DMD: variants seen among roughly 807,000 people sequenced by gnomAD.
The protein encoded by DMD is mutant dystrophin.
A neutral mutation model predicts 330.1 loss-of-function variants in DMD; 63 were observed. The ratio of observed to expected loss-of-function variants is 0.19; its 90% CI spans 0.16 to 0.24. DMD has a LOEUF of 0.24. Among genes scored for constraint, DMD ranks in the 10% least tolerant of loss-of-function variants. DMD has a pLI of 1.00. For missense variants in DMD, 3,344 were observed against 2,684.1 expected (o/e 1.25, Z -5.43); for synonymous variants, 1,223 against 959.8 (o/e 1.27, Z -5.07).
rs1403015709 is a variant in DMD, at chrX:32,280,655, T to A, written c.6290+6874A>T. ...GACAAATAGAAGAGGCTGCTAATGC[T>A]GCTATAGCTGAATGTCTCATTTAGG... On this transcript the variant is annotated intron_variant, in intron 43 of 78. Coordinates refer to ENST00000357033, the MANE Select transcript of DMD (RefSeq NM_004006.3). Among the ~76,000 whole-genome samples, 3 of 111,871 alleles carry A rather than the reference T, an allele frequency of 2.7e-5. No homozygotes were observed. The South Asian group carries it at 1.1e-3, about 42-fold the overall frequency.
At position 33,265,629 on chromosome X, in the gene DMD, A is replaced by G. The variant is rs1258313033; in HGVS notation, c.7+73630T>C. Among the ~76,000 whole-genome samples the G allele has an allele frequency of 4.5e-5, 5 of 111,339 alleles. No homozygotes were observed. In the East Asian group the frequency reaches 1.1e-3, roughly 25 times the overall value. On this transcript the variant is annotated intron_variant, in intron 1 of 17. Transcript: ENST00000288447. ...CCATTCTATGATTCAGTCTTGGCCCATGTAAATCTGTGATAGAAAATAAGC... is the reference window on the plus strand; with the variant it reads ...CCATTCTATGATTCAGTCTTGGCCCGTGTAAATCTGTGATAGAAAATAAGC...
chrX:32,614,524 C>T (rs2057411533), intron 11 of DMD, 71 bp from the exon 12 acceptor site: 1 of 921,221 alleles, frequency 1.1e-6, no homozygotes, highest in Admixed American at 2.5e-5. Context: ...CAATGTAAAA[C>T]AATAGAATTT....
intron 44 of DMD, among the ~76,000 whole-genome samples, chrX:32,047,178 T>C (rs1375790616): frequency 1.8e-5 from 2 of 111,748 alleles, no homozygotes; most frequent in African/African-American, 6.5e-5. Flanking sequence ...ATGTTTCTTC[T>C]TAAATACTTC....
At chrX:31,774,511 C>T (rs2090541156) in intron 50 of DMD, among the ~76,000 whole-genome samples, 1 of 111,505 alleles carries the variant, frequency 9.0e-6, no homozygotes, top group African/African-American at 3.3e-5. Context: ...CAATCATATA[C>T]ATTGTGGAAG....
In DMD at chrX:32,626,670, T is replaced by G. The variant is rs993767059; in HGVS notation, c.1332-12217A>C. Among the ~76,000 whole-genome samples, 20 of 103,979 alleles carry G rather than the reference T, an allele frequency of 1.9e-4. 6 individuals are homozygous for G. The highest frequency in any genetic ancestry group is 7.8e-4 in the African/African-American group (19 of 24,284). 90.3% of individuals were successfully genotyped at this position (103,979 alleles called of 115,157 possible). On this transcript the variant is annotated intron_variant, in intron 11 of 78. Transcript: ENST00000357033. ...TTTCATTCTCTATTAAGAAAGGTAT[T>G]GGGGGCTGGGGAAGGAATAGCATTA...
At chrX:33,324,263 G>A (rs190144673) in intron 1 of DMD, among the ~76,000 whole-genome samples, 16 of 110,743 alleles carry the variant, frequency 1.4e-4, no homozygotes, top group Non-Finnish European at 2.3e-4. Flanking sequence ...AGTTTCATGA[G>A]CATGTCATCA....
intron 50 of DMD, among the ~76,000 whole-genome samples, chrX:31,782,326 C>G (rs1315536700): frequency 1.8e-5 from 2 of 111,246 alleles, no homozygotes; most frequent in African/African-American, 6.5e-5. Flanking sequence ...ATGACATAAG[C>G]AGAGGCTTAA....
intron 17 of DMD, among the ~76,000 whole-genome samples, chrX:32,519,430 G>A (rs2046213154): frequency 9.0e-6 from 1 of 110,963 alleles, no homozygotes; most frequent in Non-Finnish European, 1.9e-5. Context: ...CTGATCATCA[G>A]CCTACCCTAT....
At chrX:31,571,252 G>GGGGT (rs1359769371) in intron 55 of DMD, among the ~76,000 whole-genome samples, 1 of 59,659 alleles carries the variant, frequency 1.7e-5, no homozygotes, top group African/African-American at 1.0e-4. Flanking sequence ...AAGATTTAAA[G>GGGGT]GGGTGTGTGT....
intron 44 of DMD, among the ~76,000 whole-genome samples, chrX:32,033,646 A>AAAG (rs758199587): frequency 0.18 from 5,852 of 32,169 alleles, 207 homozygotes; most frequent in East Asian, 0.36. Context: ...AGAAAGAAAG[A>AAAG]AAGAAAGAAG....
intron 2 of DMD, among the ~76,000 whole-genome samples, chrX:32,938,982 A>C (rs1198871827): frequency 9.0e-6 from 1 of 110,718 alleles, no homozygotes; most frequent in Non-Finnish European, 1.9e-5. Context: ...GCAGAGCAAG[A>C]AAAGTCATCA....
intron 29 of DMD, among the ~76,000 whole-genome samples, chrX:32,415,187 T>C (rs1377672899): frequency 1.8e-5 from 2 of 112,276 alleles, no homozygotes; most frequent in African/African-American, 6.5e-5. Context: ...TTTAATTGTA[T>C]AGGATGTAAT....
At chrX:32,762,168 G>GAAAAAAAAAA (rs368649350) in intron 7 of DMD, among the ~76,000 whole-genome samples, 1 of 97,871 alleles carries the variant, frequency 1.0e-5, no homozygotes, top group Admixed American at 1.2e-4. Flanking sequence ...GAAAAAAAAA[G>GAAAAAAAAAA]AAAAAAAAAA....
chrX:32,156,946 T>C, intron 44 of DMD, among the ~76,000 whole-genome samples: 1 of 111,379 alleles, frequency 9.0e-6, no homozygotes, highest in Admixed American at 9.6e-5. Flanking sequence ...GGAAGCAATC[T>C]CCGCCAAGCG....
chrX:31,806,479 G>A (rs755495255), intron 50 of DMD, among the ~76,000 whole-genome samples: 1 of 112,210 alleles, frequency 8.9e-6, no homozygotes, highest in African/African-American at 3.2e-5. Flanking sequence ...TTGATCAGAT[G>A]GATTTCAATA....
chrX:32,513,347 G>A (rs772032554), intron 18 of DMD, among the ~76,000 whole-genome samples: 1 of 112,202 alleles, frequency 8.9e-6, no homozygotes, highest in Non-Finnish European at 1.9e-5. Flanking sequence ...GTTCGCTTTG[G>A]CAGAGGTGAT....
intron 44 of DMD, among the ~76,000 whole-genome samples, chrX:32,149,516 A>G (rs1451931190): frequency 8.9e-6 from 1 of 111,867 alleles, no homozygotes; most frequent in Non-Finnish European, 1.9e-5. Context: ...TCAGGTGTAC[A>G]GATATAAAAT....
At chrX:32,998,320 G>A (rs1346364466) in intron 2 of DMD, among the ~76,000 whole-genome samples, 2 of 87,024 alleles carry the variant, frequency 2.3e-5, no homozygotes, top group Non-Finnish European at 4.2e-5. Flanking sequence ...AGTGAGACAA[G>A]ATTGCATTAC....
At chrX:32,891,298 T>C (rs1053662691) in intron 2 of DMD, among the ~76,000 whole-genome samples, 2 of 111,787 alleles carry the variant, frequency 1.8e-5, no homozygotes, top group African/African-American at 3.3e-5. Context: ...TCCCCTCATA[T>C]ACAGAGGGCA....
Sources: gnomAD v4.1 joint callset for allele counts (sites outside exome capture counted in the v4.1 genomes callset) on GRCh38, gnomAD v4.1.1 for gene constraint, MANE v1.5 for transcripts, NCBI Gene and HGNC (gene_info 2026-07-23, HGNC 2026-07-21) for gene names.